KIF6: variants seen among roughly 807,000 people sequenced by gnomAD.
KIF6 encodes the protein kinesin-like protein KIF6.
A neutral mutation model predicts 112.7 loss-of-function variants in KIF6; 106 were observed. The ratio of observed to expected loss-of-function variants is 0.94; its 90% CI spans 0.80 to 1.11. The LOEUF is 1.11. KIF6 is among the 50% of genes least tolerant of loss of function. The pLI is 0.00. For missense variants in KIF6, 929 were observed against 964.0 expected (o/e 0.96, Z 0.48); for synonymous variants, 339 against 339.9 (o/e 1.00, Z 0.03).
chr6:39,604,125 T>C (rs1305730396), intron 6 of KIF6, among the ~76,000 whole-genome samples: 1 of 151,746 alleles, frequency 6.6e-6, no homozygotes, highest in African/African-American at 2.4e-5. Context: ...ATACTCTAAT[T>C]GATCTGTTCC....
At position 39,550,152 on chromosome 6, in the gene KIF6, T is replaced by G. The variant is rs932774703; in HGVS notation, c.1182-4464A>C. On this transcript the variant is annotated intron_variant, in intron 10 of 22. Coordinates refer to ENST00000287152, the MANE Select transcript of KIF6 (RefSeq NM_145027.6). ...TTAACTGTTTTAAAAAATTCATCAT[T>G]TATACATTGAGTGTGATTAAGATGT... Among the ~76,000 whole-genome samples, 5 of 152,346 alleles carry G rather than the reference T, an allele frequency of 3.3e-5. No individual in the cohort carries two copies. The East Asian group carries it at 5.8e-4, about 18-fold the overall frequency.
intron 15 of KIF6, among the ~76,000 whole-genome samples, chr6:39,411,756 T>G (rs1303127152): frequency 6.6e-6 from 1 of 152,240 alleles, no homozygotes; most frequent in African/African-American, 2.4e-5. Flanking sequence ...ATTGTGACCA[T>G]GGGAACCTAT....
At chr6:39,628,188 G>A (rs1290369318) in intron 5 of KIF6, among the ~76,000 whole-genome samples, 1 of 151,838 alleles carries the variant, frequency 6.6e-6, no homozygotes, top group African/African-American at 2.4e-5. Context: ...CCAGGACATT[G>A]GCAATCCAAT....
chr6:39,602,959 T>C (rs1019587017), intron 6 of KIF6, among the ~76,000 whole-genome samples: 4 of 152,124 alleles, frequency 2.6e-5, no homozygotes, highest in African/African-American at 9.7e-5. Flanking sequence ...CATTTGCGCA[T>C]ATAGACAGTC....
At chr6:39,627,062 C>T (rs558232284) in intron 5 of KIF6, among the ~76,000 whole-genome samples, 1 of 152,284 alleles carries the variant, frequency 6.6e-6, no homozygotes, top group East Asian at 1.9e-4. Flanking sequence ...AAGGGCTACA[C>T]CTTGCCTGCC....
chr6:39,528,939 A>G (rs934830946), intron 13 of KIF6, among the ~76,000 whole-genome samples: 2 of 152,248 alleles, frequency 1.3e-5, no homozygotes, highest in African/African-American at 4.8e-5. Flanking sequence ...AAAAAGAACA[A>G]ACAGCATGGT....
chr6:39,632,525 A>T (rs1377345550), intron 5 of KIF6, among the ~76,000 whole-genome samples: 1 of 152,092 alleles, frequency 6.6e-6, no homozygotes, highest in African/African-American at 2.4e-5. Context: ...TCAGAGTTAT[A>T]GTATGCCCCA....
At chr6:39,365,895 T>C (rs1483318081) in intron 16 of KIF6, among the ~76,000 whole-genome samples, 1 of 152,184 alleles carries the variant, frequency 6.6e-6, no homozygotes, top group Non-Finnish European at 1.5e-5. Flanking sequence ...CTCCAGGCCT[T>C]GGTGAACAGA....
At chr6:39,534,390 A>G (rs916278755) in intron 13 of KIF6, among the ~76,000 whole-genome samples, 65 of 152,084 alleles carry the variant, frequency 4.3e-4, no homozygotes, top group Non-Finnish European at 7.2e-4. Context: ...GCTGAAAGCC[A>G]AGGCTCCAGA....
chr6:39,359,909 CA>C (rs1393387608), intron 18 of KIF6, among the ~76,000 whole-genome samples: 1 of 152,102 alleles, frequency 6.6e-6, no homozygotes, highest in East Asian at 1.9e-4. Context: ...TGTACAAAAA[CA>C]TATGGATATA....
intron 13 of KIF6, among the ~76,000 whole-genome samples, chr6:39,434,037 A>G (rs896900145): frequency 2.6e-5 from 4 of 152,160 alleles, no homozygotes; most frequent in African/African-American, 9.7e-5. Flanking sequence ...TCTTTCTCCT[A>G]TGGCAGTTCC....
In KIF6 at chr6:39,639,628, A is replaced by C. The variant is rs764834386; in HGVS notation, c.381T>G (p.Ile127Met). 1.3e-6 allele frequency: 2 copies of C among 1,587,360 alleles called. No individual in the cohort carries two copies. Among genetic ancestry groups the C allele is most frequent in the South Asian group, 1.2e-5 (1 of 85,906 alleles). ...TTCATACCTTTTGTAACTGTTCAAA[A>C]ATGTATGACAGTGTCCTTGGGATAA... is the stretch of plus-strand genomic sequence containing the variant. ...RGIIPRTLSY[I>M]FEQLQKDSSK... The change falls in exon 4 of 23, where the codon ATT becomes ATG. Residue 127 changes from isoleucine (I) to methionine (M), a missense_variant. By Grantham distance (10) the Ile-to-Met change is conservative (BLOSUM62 1). Coordinates refer to ENST00000287152, the MANE Select transcript of KIF6 (RefSeq NM_145027.6).
intron 13 of KIF6, among the ~76,000 whole-genome samples, chr6:39,539,217 T>C (rs1778640423): frequency 6.6e-6 from 1 of 150,828 alleles, no homozygotes; most frequent in African/African-American, 2.4e-5. Flanking sequence ...TAAAGTATAA[T>C]AATAATAAAA....
At chr6:39,433,718 A>G (rs1320796308) in intron 13 of KIF6, among the ~76,000 whole-genome samples, 2 of 152,238 alleles carry the variant, frequency 1.3e-5, no homozygotes, top group Non-Finnish European at 2.9e-5. Flanking sequence ...GCTGGAAGGC[A>G]AAGAGGCAAG....
intron 15 of KIF6, among the ~76,000 whole-genome samples, chr6:39,402,673 C>T (rs1483626909): frequency 2.6e-5 from 4 of 152,166 alleles, no homozygotes; most frequent in African/African-American, 9.7e-5. Flanking sequence ...GACTGAGAAG[C>T]CCCCACTGGG....
At chr6:39,427,752 T>C (rs753528386) in intron 14 of KIF6, among the ~76,000 whole-genome samples, 1 of 152,142 alleles carries the variant, frequency 6.6e-6, no homozygotes, top group Non-Finnish European at 1.5e-5. Flanking sequence ...CCTGCATAAC[T>C]TAGGTATGTT....
Position 39,343,522 on chromosome 6 carries a change from A to T in KIF6, c.2428+187T>A, listed in dbSNP as rs1763464865. 2.1e-6 allele frequency: 3 copies of T among 1,456,448 alleles called. No individual in the cohort carries two copies. The highest frequency in any genetic ancestry group is 2.8e-5 in the African/African-American group (2 of 71,060). 90.2% of individuals were successfully genotyped at this position (1,456,448 alleles called of 1,614,324 possible). On this transcript the variant is annotated intron_variant, in intron 22 of 22. Coordinates refer to ENST00000287152, the MANE Select transcript of KIF6 (RefSeq NM_145027.6). This position sits in a 1 kb window ranked among gnomAD's most constrained non-coding sequence, Gnocchi z 4.1. ...ACTTGGGCCTGTCTTGGTGTTTCTG[A>T]TGCTGCCCCTTGAGGCTTTCTCGAG...
chr6:39,586,161 C>A (rs1188978750), intron 8 of KIF6, 100 bp downstream of exon 8: 43 of 1,199,364 alleles, frequency 3.6e-5, no homozygotes, highest in South Asian at 3.1e-4. Context: ...AAGGCATACC[C>A]AGCTGAAAAT....
intron 10 of KIF6, among the ~76,000 whole-genome samples, chr6:39,547,061 A>G (rs1036600869): frequency 1.3e-5 from 2 of 152,196 alleles, no homozygotes; most frequent in African/African-American, 4.8e-5. Context: ...AAGGATGACA[A>G]TCAGTATCTA....
Sources: allele counts gnomAD v4.1 joint callset (sites outside exome capture counted in the v4.1 genomes callset), GRCh38; gene constraint gnomAD v4.1.1; non-coding constraint Gnocchi (gnomAD v3.1); transcripts MANE v1.5; gene names NCBI Gene and HGNC (gene_info 2026-07-23, HGNC 2026-07-21).